The following NAP1L1 variants were observed in gnomAD, a reference collection of about 807,000 sequenced individuals.
The protein encoded by NAP1L1 is nucleosome assembly protein 1 like 1.
NAP1L1 carries 9 observed loss-of-function variants against 58.9 expected under a neutral mutation model. The observed-to-expected ratio is 0.15, with a 90% CI of 0.09 to 0.27. The LOEUF (loss-of-function observed/expected upper bound fraction) is 0.27, where lower values mean the gene tolerates loss of function less well. NAP1L1 is among the 10% of genes least tolerant of loss of function. NAP1L1 has a pLI of 1.00. For missense variants in NAP1L1, 302 were observed against 458.8 expected, an observed-to-expected ratio of 0.66 and a Z score of 3.12; for synonymous variants, 130 against 138.3, an observed-to-expected ratio of 0.94 and a Z score of 0.42.
chr12:76,059,741 G>T, intron 6 of NAP1L1, 57 bp downstream of exon 6: 3 of 1,218,332 alleles, frequency 2.5e-6, no homozygotes, highest in South Asian at 1.3e-5. Context: ...TAACATTTCT[G>T]ACAAGTCCTA....
chr12:76,072,994 T>C (rs1345670956), intron 2 of NAP1L1, among the ~76,000 whole-genome samples: 2 of 152,016 alleles, frequency 1.3e-5, no homozygotes, highest in African/African-American at 4.8e-5. Flanking sequence ...AGGAAGATAG[T>C]AAAATAGATC....
Position 76,042,399 on chromosome 12 carries a change from T to G in NAP1L1, c.*6030A>C, listed in dbSNP as rs1391957909. On this transcript the variant is annotated 3_prime_UTR_variant, in exon 15 of 15. Coordinates refer to ENST00000618691, the MANE Select transcript of NAP1L1 (RefSeq NM_004537.7). The stretch of plus-strand genomic sequence containing the variant: ...CAGGTGGTAGACAGACTCTAAAGCC[T>G]GTGTTTAAAGACACTACCCAAAGAC... 1 of 152,234 alleles carries G rather than the reference T, an allele frequency of 6.6e-6. No individual in the cohort carries two copies. The highest frequency in any genetic ancestry group is 1.9e-4 in the East Asian group (1 of 5,200). 9.4% of individuals were successfully genotyped at this position (152,234 alleles called of 1,614,324 possible).
chr12:76,049,898 T>G (rs1948741215), intron 12 of NAP1L1, 113 bp from the exon 13 acceptor site: 2 of 1,133,666 alleles, frequency 1.8e-6, no homozygotes, highest in South Asian at 2.7e-5. Flanking sequence ...AAACCTACTT[T>G]CCTATCAAGG....
intron 4 of NAP1L1, among the ~76,000 whole-genome samples, chr12:76,066,064 A>G (rs1949651709): frequency 6.6e-6 from 1 of 150,922 alleles, no homozygotes; most frequent in South Asian, 2.1e-4. Context: ...AAAAAAAAAA[A>G]AAAAACTAGC....
intron 11 of NAP1L1, among the ~76,000 whole-genome samples, chr12:76,051,769 C>T (rs950928112): frequency 6.6e-6 from 1 of 152,112 alleles, no homozygotes; most frequent in South Asian, 2.1e-4. Context: ...AATCCCAGGA[C>T]TTTGGGAGGC....
At chr12:76,064,841 A>G (rs1949590513) in intron 4 of NAP1L1, among the ~76,000 whole-genome samples, 1 of 151,954 alleles carries the variant, frequency 6.6e-6, no homozygotes, top group Non-Finnish European at 1.5e-5. Flanking sequence ...TACTTCCCCA[A>G]CTCCAAAGTC....
intron 4 of NAP1L1, among the ~76,000 whole-genome samples, chr12:76,063,147 A>T (rs926286706): frequency 1.3e-5 from 2 of 152,194 alleles, no homozygotes; most frequent in Admixed American, 6.5e-5. Flanking sequence ...AAAATTTTTT[A>T]AAAATCCAGC....
At position 76,057,373 on chromosome 12, in the gene NAP1L1, G is replaced by A. The variant is rs1276782282; in HGVS notation, c.430-1212C>T. On this transcript the variant is annotated intron_variant, in intron 6 of 14. Transcript: ENST00000618691. ...TGCCAGGTTGAATAACAGTTCATCT[G>A]CATTATCATTCTTACAAAAAGGAAA... 1.9e-5 allele frequency: 8 copies of A among 416,224 alleles called. No individual in the cohort carries two copies. The East Asian group carries it at 3.2e-4, about 17-fold the overall frequency. 25.8% of individuals were successfully genotyped at this position (416,224 alleles called of 1,614,324 possible).
In NAP1L1 at chr12:76,074,859, T is replaced by C. The variant is rs552906276; in HGVS notation, c.-20-620A>G. On this transcript the variant is annotated intron_variant, in intron 1 of 14. Coordinates refer to ENST00000618691, the MANE Select transcript of NAP1L1 (RefSeq NM_004537.7). ...TAAGCCTTCCCTATCTCTCCAAATG[T>C]ACATGTACCTCATGTTAGATAACTG... Among the ~76,000 whole-genome samples, 73 of 152,276 alleles carry C rather than the reference T, an allele frequency of 4.8e-4. No homozygotes were observed. The South Asian group carries it at 0.012, about 26-fold the overall frequency.
At chr12:76,076,014 TAAAAA>T (rs1189641137) in intron 1 of NAP1L1, among the ~76,000 whole-genome samples, 1 of 152,010 alleles carries the variant, frequency 6.6e-6, no homozygotes, top group African/African-American at 2.4e-5. Context: ...ACATAAAAAT[TAAAAA>T]AACAAAATAT....
chr12:76,082,642 A>G (rs576987829), intron 1 of NAP1L1, among the ~76,000 whole-genome samples: 1 of 152,376 alleles, frequency 6.6e-6, no homozygotes, highest in South Asian at 2.1e-4. Context: ...CAGTATTCTT[A>G]GAACTAAACT....
chr12:76,072,756 A>G (rs1286603763), intron 2 of NAP1L1, among the ~76,000 whole-genome samples: 2 of 152,228 alleles, frequency 1.3e-5, no homozygotes, highest in African/African-American at 4.8e-5. Context: ...CACTGGAAGC[A>G]AGGTGACAAT....
chr12:76,067,348 T>C lies in NAP1L1; in HGVS notation c.206+23A>G, dbSNP rs1012682259. ...GCAACGTTGATTATAGAAAGATAAA[T>C]AAGGACTATGGAAAAGCTGTACCTT... On this transcript the variant is annotated intron_variant, in intron 4 of 14. Coordinates refer to ENST00000618691, the MANE Select transcript of NAP1L1 (RefSeq NM_004537.7). 13 of 1,542,584 alleles carry C rather than the reference T, an allele frequency of 8.4e-6. No individual in the cohort carries two copies. The South Asian group carries it at 1.0e-4, about 12-fold the overall frequency.
chr12:76,058,200 T>C (rs1372616136), intron 6 of NAP1L1: 1 of 65,022 alleles, frequency 1.5e-5, no homozygotes, highest in South Asian at 7.2e-4. Flanking sequence ...CCTACATATA[T>C]ATATATATAT....
In NAP1L1 at chr12:76,040,717, C is replaced by A. The variant is rs1156870645; in HGVS notation, c.*7712G>T. The A allele has an allele frequency of 6.6e-6, 1 of 152,122 alleles. No homozygotes were observed. Among genetic ancestry groups the A allele is most frequent in the Non-Finnish European group, 1.5e-5 (1 of 68,038 alleles). 9.4% of individuals were successfully genotyped at this position (152,122 alleles called of 1,614,324 possible). A position where few individuals can be genotyped will look rare whatever the true frequency, so the allele number is the denominator to read the frequency against. On this transcript the variant is annotated 3_prime_UTR_variant, in exon 15 of 15. Transcript: ENST00000618691. ...TTGGACTACAGGCACACACCACTACCACCTACAGCTAAGTTTTGTATTTTT... is the reference window on the plus strand; with the variant it reads ...TTGGACTACAGGCACACACCACTACAACCTACAGCTAAGTTTTGTATTTTT...
At chr12:76,048,992 C>G (rs1230162229) in intron 14 of NAP1L1, 5 of 557,878 alleles carry the variant, frequency 9.0e-6, no homozygotes, top group Middle Eastern at 4.7e-4. Context: ...AGCACGAAGT[C>G]CAAACAAAAA....
At chr12:76,060,983 C>CT in intron 4 of NAP1L1, 1 of 385,966 alleles carries the variant, frequency 2.6e-6, no homozygotes, top group African/African-American at 2.1e-5. Context: ...GTCCCAGCCA[C>CT]TTGGAAGGCT....
intron 2 of NAP1L1, among the ~76,000 whole-genome samples, chr12:76,071,635 T>G (rs1345470927): frequency 1.3e-5 from 2 of 152,068 alleles, no homozygotes; most frequent in Non-Finnish European, 2.9e-5. Context: ...TTCAAAAGGA[T>G]AAGAACTGGT....
chr12:76,068,137 T>A (rs1156347434), intron 3 of NAP1L1, among the ~76,000 whole-genome samples: 1 of 152,200 alleles, frequency 6.6e-6, no homozygotes, highest in African/African-American at 2.4e-5. Flanking sequence ...GCCATAAACT[T>A]AATTTTCCCA....
Sources: allele counts gnomAD v4.1 joint callset (sites outside exome capture counted in the v4.1 genomes callset), GRCh38; gene constraint gnomAD v4.1.1; transcripts MANE v1.5; gene names NCBI Gene and HGNC (gene_info 2026-07-23, HGNC 2026-07-21).